Variants in ROBO2 observed in about 807,000 individuals in gnomAD.
ROBO2 encodes the protein roundabout homolog 2.
In ROBO2, 53 loss-of-function variants were observed where a neutral mutation model predicts 160.8. The ratio of observed to expected loss-of-function variants is 0.33; its 90% CI spans 0.26 to 0.41. The LOEUF is 0.41. ROBO2 is among the 10% of genes least tolerant of loss of function. The probability of loss-of-function intolerance (pLI) is 1.00; values close to 1 mark genes in which losing one functional copy is unlikely to be tolerated. For synonymous variants in ROBO2, 664 were observed against 611.7 expected (o/e 1.09, Z -1.26); for missense variants, 1,577 against 1,722.4 (o/e 0.92, Z 1.49).
At chr3:76,055,821 C>T (rs191212336) in intron 2 of ROBO2, among the ~76,000 whole-genome samples, 19 of 152,196 alleles carry the variant, frequency 1.2e-4, no homozygotes, top group East Asian at 1.9e-4. Flanking sequence ...TGCAGTGGCG[C>T]GATCTCGGCT....
At chr3:76,304,700 GTTTTA>G (rs1261173740) in intron 2 of ROBO2, among the ~76,000 whole-genome samples, 6 of 150,234 alleles carry the variant, frequency 4.0e-5, no homozygotes, top group African/African-American at 1.5e-4. Flanking sequence ...TTTTGTTGTT[GTTTTA>G]TTTTCTTTCT....
intron 2 of ROBO2, among the ~76,000 whole-genome samples, chr3:76,430,834 A>G (rs1318803024): frequency 6.6e-6 from 1 of 152,082 alleles, no homozygotes; most frequent in Admixed American, 6.5e-5. Context: ...TTTTGCGTAT[A>G]TGTTATTTGA....
rs368113952 is a variant in ROBO2, at chr3:77,508,407, T to A, written c.807-14368T>A. 6.1e-5 allele frequency among the ~76,000 whole-genome samples: 9 copies of A among 148,210 alleles called. No individual in the cohort carries two copies. In the East Asian group the frequency reaches 1.6e-3, roughly 26 times the overall value. On this transcript the variant is annotated intron_variant, in intron 5 of 25. Transcript: ENST00000461745. ...ATAGTGAAAGCATTATATATAAATG[T>A]ATATATTAAAGGTTTAGAGATTTCT...
At chr3:76,495,167 A>C (rs1315362253) in intron 2 of ROBO2, among the ~76,000 whole-genome samples, 27 of 151,712 alleles carry the variant, frequency 1.8e-4, no homozygotes, top group Non-Finnish European at 5.9e-5. Flanking sequence ...TTAGTATACC[A>C]TTAATTTTTA....
At chr3:77,576,768 CT>C (rs2093777179) in intron 14 of ROBO2, among the ~76,000 whole-genome samples, 1 of 152,082 alleles carries the variant, frequency 6.6e-6, no homozygotes, top group African/African-American at 2.4e-5. Flanking sequence ...ATCAGAGTCC[CT>C]TGCCCATCCA....
intron 2 of ROBO2, among the ~76,000 whole-genome samples, chr3:76,974,192 T>C (rs1206305897): frequency 6.6e-6 from 1 of 152,154 alleles, no homozygotes; most frequent in Non-Finnish European, 1.5e-5. Context: ...TAAACCGCCT[T>C]GATAAACATT....
chr3:76,384,103 G>A (rs1018465067), intron 2 of ROBO2, among the ~76,000 whole-genome samples: 1 of 152,210 alleles, frequency 6.6e-6, no homozygotes, highest in Admixed American at 6.5e-5. Flanking sequence ...TGTTAATCAA[G>A]GGCATATCAA....
At chr3:77,617,225 G>A (rs1433560137) in intron 21 of ROBO2, among the ~76,000 whole-genome samples, 4 of 114,868 alleles carry the variant, frequency 3.5e-5, no homozygotes, top group African/African-American at 1.2e-4. Context: ...TTTTCCACAT[G>A]AGTAAGTTTG....
At chr3:75,990,336 A>G (rs1260608795) in intron 2 of ROBO2, among the ~76,000 whole-genome samples, 2 of 152,200 alleles carry the variant, frequency 1.3e-5, no homozygotes, top group Non-Finnish European at 2.9e-5. Context: ...AATTTGTTTT[A>G]GGTCACCCTG....
At chr3:76,795,374 T>C (rs546316385) in intron 2 of ROBO2, among the ~76,000 whole-genome samples, 55 of 152,218 alleles carry the variant, frequency 3.6e-4, no homozygotes, top group African/African-American at 1.2e-3. Flanking sequence ...AGAACTTCTT[T>C]CAGAATTAGT....
At chr3:76,679,622 C>A (rs546609262) in intron 2 of ROBO2, among the ~76,000 whole-genome samples, 2 of 152,112 alleles carry the variant, frequency 1.3e-5, no homozygotes, top group Non-Finnish European at 2.9e-5. Flanking sequence ...CTTCAGCCTG[C>A]TATTTGGATA....
At chr3:77,113,350 A>G (rs1283306968) in intron 2 of ROBO2, among the ~76,000 whole-genome samples, 5 of 152,214 alleles carry the variant, frequency 3.3e-5, no homozygotes. Context: ...TTCTCTCAAA[A>G]GCCTGTTGTT....
At chr3:76,575,302 A>G (rs1436978763) in intron 2 of ROBO2, among the ~76,000 whole-genome samples, 1 of 151,980 alleles carries the variant, frequency 6.6e-6, no homozygotes, top group Non-Finnish European at 1.5e-5. Context: ...GGTAAACTCT[A>G]ATACTTTCTT....
intron 2 of ROBO2, among the ~76,000 whole-genome samples, chr3:76,743,436 T>C (rs1454108521): frequency 6.6e-6 from 1 of 152,110 alleles, no homozygotes; most frequent in African/African-American, 2.4e-5. Context: ...AACCTGTACA[T>C]GTACATCCTG....
At chr3:76,174,766 C>A (rs375772153) in intron 2 of ROBO2, among the ~76,000 whole-genome samples, 1 of 152,142 alleles carries the variant, frequency 6.6e-6, no homozygotes, top group East Asian at 1.9e-4. Context: ...GTTACTGTAG[C>A]CTTATAGTAT....
chr3:76,816,199 TGTG>T (rs2065651307), intron 2 of ROBO2, among the ~76,000 whole-genome samples: 1 of 152,112 alleles, frequency 6.6e-6, no homozygotes, highest in African/African-American at 2.4e-5. Context: ...AGGTCTCTAA[TGTG>T]GTGACAAGAC....
At chr3:77,388,795 C>A (rs921079925) in intron 2 of ROBO2, among the ~76,000 whole-genome samples, 2 of 152,050 alleles carry the variant, frequency 1.3e-5, no homozygotes, top group East Asian at 1.9e-4. Flanking sequence ...CCTTAATACA[C>A]CAATAAAATC....
intron 2 of ROBO2, among the ~76,000 whole-genome samples, chr3:77,415,323 G>C (rs1432102973): frequency 1.3e-5 from 2 of 152,094 alleles, no homozygotes; most frequent in African/African-American, 4.8e-5. Context: ...TGTTCTAAGG[G>C]GTATGAATAT....
chr3:76,578,966 T>TA (rs1264544821), intron 2 of ROBO2, among the ~76,000 whole-genome samples: 4 of 152,186 alleles, frequency 2.6e-5, no homozygotes, highest in African/African-American at 7.2e-5. Context: ...CTTGCCCATG[T>TA]AAAATCTACC....
Sources: gnomAD v4.1 joint callset for allele counts (sites outside exome capture counted in the v4.1 genomes callset) on GRCh38, gnomAD v4.1.1 for gene constraint, MANE v1.5 for transcripts, NCBI Gene and HGNC (gene_info 2026-07-23, HGNC 2026-07-21) for gene names.